Variants in KCNH7 observed in about 807,000 individuals in gnomAD.
KCNH7 encodes the protein potassium voltage-gated channel subfamily H member 7.
In KCNH7, 49 loss-of-function variants were observed where a neutral mutation model predicts 120.8. The observed-to-expected ratio is 0.41, with a 90% CI of 0.32 to 0.51. The LOEUF is 0.51. Ranked by LOEUF, KCNH7 falls within the 20% of genes least tolerant of loss-of-function variation. The pLI is 0.38. For missense variants in KCNH7, 1,097 were observed against 1,446.6 expected (o/e 0.76, Z 3.92); for synonymous variants, 547 against 516.1 (o/e 1.06, Z -0.81).
intron 2 of KCNH7, among the ~76,000 whole-genome samples, chr2:162,761,889 C>T (rs1020856545): frequency 6.6e-6 from 1 of 152,054 alleles, no homozygotes; most frequent in Non-Finnish European, 1.5e-5. Flanking sequence ...GACTGTTAAA[C>T]ATTCCTTTAA....
At chr2:162,802,668 T>C (rs1362339523) in intron 2 of KCNH7, among the ~76,000 whole-genome samples, 1 of 151,692 alleles carries the variant, frequency 6.6e-6, no homozygotes, top group Admixed American at 6.6e-5. Context: ...TCTAATCCAA[T>C]AAACCCACAA....
chr2:162,703,754 C>T (rs982324269), intron 2 of KCNH7, among the ~76,000 whole-genome samples: 30 of 152,192 alleles, frequency 2.0e-4, no homozygotes, highest in Admixed American at 9.2e-4. Flanking sequence ...TTTTTCTAGA[C>T]GGGCATCCCC....
chr2:162,617,573 G>T (rs1683193046), intron 2 of KCNH7, among the ~76,000 whole-genome samples: 1 of 152,086 alleles, frequency 6.6e-6, no homozygotes, highest in Admixed American at 6.5e-5. Context: ...GGAATAATGG[G>T]TGACACAGAA....
At chr2:162,414,760 AT>A (rs763733562) in intron 9 of KCNH7, among the ~76,000 whole-genome samples, 49 of 152,236 alleles carry the variant, frequency 3.2e-4, no homozygotes, top group Non-Finnish European at 5.1e-4. Context: ...AATCTTAAAA[AT>A]GTTGCATTTT....
intron 8 of KCNH7, among the ~76,000 whole-genome samples, chr2:162,430,525 G>C (rs954912285): frequency 6.6e-6 from 1 of 151,952 alleles, no homozygotes; most frequent in Non-Finnish European, 1.5e-5. Context: ...TCTCCCTTCT[G>C]TGTTCACTGT....
intron 2 of KCNH7, among the ~76,000 whole-genome samples, chr2:162,641,456 T>A (rs1684153419): frequency 6.6e-6 from 1 of 151,952 alleles, no homozygotes; most frequent in Non-Finnish European, 1.5e-5. Context: ...ACACCTATAA[T>A]CCCAGCACTT....
chr2:162,574,719 A>T (rs1236928008), intron 2 of KCNH7, among the ~76,000 whole-genome samples: 1 of 152,196 alleles, frequency 6.6e-6, no homozygotes, highest in East Asian at 1.9e-4. Context: ...CTGTGAGCTC[A>T]TCGTGCCAGA....
intron 2 of KCNH7, among the ~76,000 whole-genome samples, chr2:162,646,797 C>A (rs534421888): frequency 1.3e-5 from 2 of 152,276 alleles, no homozygotes; most frequent in African/African-American, 4.8e-5. Context: ...ATGCTGCCAA[C>A]AACCTGAATA....
At chr2:162,404,720 C>T (rs1687157989) in intron 9 of KCNH7, among the ~76,000 whole-genome samples, 1 of 151,982 alleles carries the variant, frequency 6.6e-6, no homozygotes, top group African/African-American at 2.4e-5. Context: ...CCTGCAGAAC[C>T]ATAAGCCAAT....
At chr2:162,536,382 ACT>A (rs1692108432) in intron 3 of KCNH7, among the ~76,000 whole-genome samples, 2 of 151,974 alleles carry the variant, frequency 1.3e-5, no homozygotes, top group Admixed American at 1.3e-4. Flanking sequence ...TAATTGAGGT[ACT>A]ACTTCTCACT....
intron 2 of KCNH7, among the ~76,000 whole-genome samples, chr2:162,835,823 G>C (rs914571933): frequency 7.2e-5 from 11 of 151,864 alleles, no homozygotes; most frequent in African/African-American, 2.4e-4. Context: ...AGTTTGACAG[G>C]AGGTGTTGCC....
intron 2 of KCNH7, among the ~76,000 whole-genome samples, chr2:162,620,701 G>A (rs1255568777): frequency 6.6e-6 from 1 of 151,918 alleles, no homozygotes; most frequent in Non-Finnish European, 1.5e-5. Flanking sequence ...CTCATTATTT[G>A]TCTTCTGATC....
chr2:162,792,615 G>T (rs1003172715), intron 2 of KCNH7, among the ~76,000 whole-genome samples: 1 of 151,584 alleles, frequency 6.6e-6, no homozygotes, highest in African/African-American at 2.4e-5. Flanking sequence ...TTTCTATAGG[G>T]TCAGTGGTAA....
At chr2:162,587,733 TGCC>T (rs1284843895) in intron 2 of KCNH7, among the ~76,000 whole-genome samples, 3 of 152,084 alleles carry the variant, frequency 2.0e-5, no homozygotes, top group Admixed American at 1.3e-4. Context: ...TCTCCCTTTT[TGCC>T]TTGTAGTAAA....
At chr2:162,399,260 CT>C (rs1328640077) in intron 10 of KCNH7, among the ~76,000 whole-genome samples, 3 of 151,896 alleles carry the variant, frequency 2.0e-5, no homozygotes, top group South Asian at 2.1e-4. Flanking sequence ...GCATTTTTCT[CT>C]GTTTCCTTGC....
intron 2 of KCNH7, among the ~76,000 whole-genome samples, chr2:162,667,018 CTTT>C (rs34213467): frequency 0.097 from 12,068 of 124,186 alleles, 1,622 homozygotes; most frequent in African/African-American, 0.34. Flanking sequence ...TTTTCTTTTT[CTTT>C]TTTTTTTTTT....
intron 3 of KCNH7, among the ~76,000 whole-genome samples, chr2:162,535,522 C>A (rs762449309): frequency 6.6e-6 from 1 of 151,616 alleles, no homozygotes; most frequent in Non-Finnish European, 1.5e-5. Flanking sequence ...AATTTTAAGA[C>A]ATTCCTGAAA....
At chr2:162,406,014 C>T (rs1201584256) in intron 9 of KCNH7, among the ~76,000 whole-genome samples, 1 of 151,942 alleles carries the variant, frequency 6.6e-6, no homozygotes, top group African/African-American at 2.4e-5. Context: ...TTTTACCTGG[C>T]TGCTGATAAA....
At chr2:162,574,694 G>A (rs1693610551) in intron 2 of KCNH7, among the ~76,000 whole-genome samples, 1 of 152,042 alleles carries the variant, frequency 6.6e-6, no homozygotes, top group Admixed American at 6.6e-5. Flanking sequence ...TTAGAAAGCT[G>A]GAGGTGAAAG....
Sources: gnomAD v4.1 joint callset for allele counts (sites outside exome capture counted in the v4.1 genomes callset) on GRCh38, gnomAD v4.1.1 for gene constraint, MANE v1.5 for transcripts, NCBI Gene and HGNC (gene_info 2026-07-23, HGNC 2026-07-21) for gene names.